The following DCAF8L2 variants were observed in gnomAD, a reference collection of about 807,000 sequenced individuals.
DCAF8L2 encodes DDB1- and CUL4-associated factor 8-like protein 2.
For missense variants in DCAF8L2, 430 were observed against 490.7 expected (o/e 0.88, Z 1.17); for synonymous variants, 200 against 190.9 (o/e 1.05, Z -0.39).
chrX:27,741,940 T>C (rs1921876413), intron 4 of DCAF8L2, among the ~76,000 whole-genome samples: 1 of 112,156 alleles, frequency 8.9e-6, no homozygotes, highest in Non-Finnish European at 1.9e-5. Flanking sequence ...CTAGAAACTA[T>C]ATTATTTAAC....
chrX:27,547,088 C>G, the DCAF8L2 span, among the ~76,000 whole-genome samples: 1 of 111,812 alleles, frequency 8.9e-6, no homozygotes, highest in African/African-American at 3.3e-5. Flanking sequence ...CAAATAATGT[C>G]TCTTAAGTTC....
At chrX:27,523,803 T>C in the DCAF8L2 span, among the ~76,000 whole-genome samples, 1 of 110,045 alleles carries the variant, frequency 9.1e-6, no homozygotes. Context: ...GTGTGTGATG[T>C]TCCCCTTCCT....
chrX:27,503,401 A>G, the DCAF8L2 span, among the ~76,000 whole-genome samples: 1 of 110,341 alleles, frequency 9.1e-6, no homozygotes, highest in South Asian at 3.8e-4. Flanking sequence ...TTTTTTTCTG[A>G]TGTTCTGTTT....
intron 1 of DCAF8L2, among the ~76,000 whole-genome samples, chrX:27,608,182 A>G (rs908982262): frequency 6.3e-5 from 7 of 111,583 alleles, no homozygotes; most frequent in African/African-American, 1.9e-4. Flanking sequence ...ATATTTTCGA[A>G]GCAATTCTAA....
At chrX:27,621,647 C>G (rs1441933631) in intron 1 of DCAF8L2, among the ~76,000 whole-genome samples, 1 of 111,390 alleles carries the variant, frequency 9.0e-6, no homozygotes, top group Non-Finnish European at 1.9e-5. Flanking sequence ...CACACCCATA[C>G]AGCGTGTATA....
chrX:27,482,824 A>G, the DCAF8L2 span, among the ~76,000 whole-genome samples: 2 of 111,740 alleles, frequency 1.8e-5, no homozygotes, highest in African/African-American at 3.2e-5. Flanking sequence ...GTCAAAAGCA[A>G]TATCTGTCAA....
chrX:27,578,894 C>CAAA, the DCAF8L2 span, among the ~76,000 whole-genome samples: 1 of 91,055 alleles, frequency 1.1e-5, no homozygotes, highest in African/African-American at 4.2e-5. Flanking sequence ...ATTAAAATGT[C>CAAA]AAAAAAAAAA....
chrX:27,685,955 A>G (rs1265884437), intron 3 of DCAF8L2, among the ~76,000 whole-genome samples: 1 of 112,324 alleles, frequency 8.9e-6, no homozygotes, highest in African/African-American at 3.2e-5. Flanking sequence ...AAAAGAAGAC[A>G]TATAAATGTC....
chrX:27,499,127 A>G, the DCAF8L2 span, among the ~76,000 whole-genome samples: 5 of 112,273 alleles, frequency 4.5e-5, no homozygotes, highest in African/African-American at 1.6e-4. Flanking sequence ...TTATATTTCT[A>G]ATTTTTTATG....
chrX:27,579,615 TACACAC>T, the DCAF8L2 span, among the ~76,000 whole-genome samples: 3,151 of 87,869 alleles, frequency 0.036, 51 homozygotes, highest in South Asian at 0.076. Context: ...TTCAGAGAAA[TACACAC>T]ACACACACAC....
the DCAF8L2 span, among the ~76,000 whole-genome samples, chrX:27,489,750 T>C: frequency 8.9e-6 from 1 of 112,471 alleles, no homozygotes; most frequent in African/African-American, 3.2e-5. Flanking sequence ...TGTAAAATAT[T>C]ACATTCCCCT....
At chrX:27,627,648 C>CT (rs1204553544) in intron 1 of DCAF8L2, among the ~76,000 whole-genome samples, 77 of 108,221 alleles carry the variant, frequency 7.1e-4, no homozygotes, top group Admixed American at 6.9e-3. Flanking sequence ...GTAATCTCAG[C>CT]ACTTTGGGAA....
intron 2 of DCAF8L2, among the ~76,000 whole-genome samples, chrX:27,643,830 A>T (rs1928835739): frequency 9.0e-6 from 1 of 111,546 alleles, no homozygotes; most frequent in South Asian, 3.7e-4. Flanking sequence ...TGAAGAATTG[A>T]TTGGACTATG....
At chrX:27,563,810 T>C in the DCAF8L2 span, among the ~76,000 whole-genome samples, 5 of 112,388 alleles carry the variant, frequency 4.4e-5, no homozygotes, top group African/African-American at 1.6e-4. Context: ...TACACACTTA[T>C]ATATTGCTTA....
intron 1 of DCAF8L2, among the ~76,000 whole-genome samples, chrX:27,591,105 G>T (rs1281776571): frequency 1.9e-5 from 2 of 105,953 alleles, no homozygotes; most frequent in Non-Finnish European, 3.9e-5. Flanking sequence ...TATCATAAAT[G>T]CTGGGGGTTT....
intron 2 of DCAF8L2, among the ~76,000 whole-genome samples, chrX:27,652,434 C>G (rs1434346550): frequency 1.8e-5 from 2 of 111,401 alleles, no homozygotes; most frequent in Non-Finnish European, 3.8e-5. Flanking sequence ...CAGCATCAAG[C>G]AACAAAAATC....
At chrX:27,569,163 A>G in the DCAF8L2 span, among the ~76,000 whole-genome samples, 7 of 111,571 alleles carry the variant, frequency 6.3e-5, no homozygotes, top group Non-Finnish European at 1.1e-4. Context: ...CTAGACTTCT[A>G]TAATACATAC....
chrX:27,742,586 C>T (rs1278788355), intron 4 of DCAF8L2, among the ~76,000 whole-genome samples: 1 of 101,931 alleles, frequency 9.8e-6, no homozygotes, highest in African/African-American at 3.7e-5. Flanking sequence ...AAAACAAAAA[C>T]AAAAACAAAC....
At chrX:27,641,957 C>T (rs1366501889) in intron 2 of DCAF8L2, among the ~76,000 whole-genome samples, 2 of 109,539 alleles carry the variant, frequency 1.8e-5, no homozygotes, top group Non-Finnish European at 3.8e-5. Flanking sequence ...AGGACAATCT[C>T]GGCTCACTGC....
Sources: allele counts gnomAD v4.1 joint callset (sites outside exome capture counted in the v4.1 genomes callset), GRCh38; gene constraint gnomAD v4.1.1; transcripts MANE v1.5; gene names NCBI Gene and HGNC (gene_info 2026-07-23, HGNC 2026-07-21).